PTCH1: variants seen among roughly 807,000 people sequenced by gnomAD.
PTCH1 encodes protein patched homolog 1.
Under a neutral mutation model 144.6 loss-of-function variants are expected in PTCH1, and 14 were observed. The observed-to-expected ratio is 0.10, with a 90% CI of 0.06 to 0.15. The LOEUF is 0.15. Ranked by LOEUF, PTCH1 falls within the 10% of genes least tolerant of loss-of-function variation. The pLI is 1.00. For synonymous variants in PTCH1, 833 were observed against 793.6 expected, an observed-to-expected ratio of 1.05 and a Z score of -0.83; for missense variants, 1,623 against 1,948.3, an observed-to-expected ratio of 0.83 and a Z score of 3.14.
intron 12 of PTCH1, among the ~76,000 whole-genome samples, chr9:95,473,640 G>C (rs1236700783): frequency 6.6e-6 from 1 of 151,478 alleles, no homozygotes; most frequent in Non-Finnish European, 1.5e-5. Flanking sequence ...CGCCTCCCGG[G>C]TTCAAGCGAT....
chr9:95,466,991 TA>T, intron 15 of PTCH1, 124 bp downstream of exon 15: 1 of 1,111,744 alleles, frequency 9.0e-7, no homozygotes, highest in East Asian at 2.6e-5. Context: ...GAGCAACTCT[TA>T]AAAGTCCATG....
At chr9:95,516,785 C>CA in exon 1 of PTCH1, 7 of 1,612,406 alleles carry the variant, frequency 4.3e-6, no homozygotes, top group Non-Finnish European at 5.9e-6. Flanking sequence ...AGCGCGGACT[C>CA]ACAATTACAA....
At chr9:95,472,794 G>A (rs1034567772) in intron 12 of PTCH1, among the ~76,000 whole-genome samples, 1 of 152,174 alleles carries the variant, frequency 6.6e-6, no homozygotes. Flanking sequence ...ATGTATGGCG[G>A]AGTATTTTCT....
chr9:95,474,215 T>A, intron 12 of PTCH1: 1 of 329,536 alleles, frequency 3.0e-6, no homozygotes, highest in South Asian at 2.6e-5. Context: ...AGAAAGACAG[T>A]GAGCAAAAAG....
rs28702657 is a variant in PTCH1, at chr9:95,469,626, G to A, written c.1847+187C>T. 0.23 allele frequency among the ~76,000 whole-genome samples: 35,703 copies of A among 152,016 alleles called. 4,436 individuals are homozygous for A. Among genetic ancestry groups the A allele is most frequent in the African/African-American group, 0.27 (11,107 of 41,472 alleles). ...GTGAGACTGTTCAGCTGCGGCAGGG[G>A]AGAAGGAAGCCCAGGGACTCTGATG... On this transcript the variant is annotated intron_variant, in intron 13 of 23. Coordinates refer to ENST00000331920, the MANE Select transcript of PTCH1 (RefSeq NM_000264.5).
chr9:95,495,626 C>A (rs922542985), intron 2 of PTCH1, among the ~76,000 whole-genome samples: 1 of 151,990 alleles, frequency 6.6e-6, no homozygotes, highest in African/African-American at 2.4e-5. Context: ...TTGTTCAAGG[C>A]TAACACCTCC....
At chr9:95,480,905 A>C (rs28520225) in intron 5 of PTCH1, among the ~76,000 whole-genome samples, 18,171 of 130,828 alleles carry the variant, frequency 0.14, 1,191 homozygotes, top group East Asian at 0.19. Flanking sequence ...ATCCAAAATT[A>C]AATTTTTTTT....
intron 9 of PTCH1, 110 bp from the exon 10 acceptor site, chr9:95,477,812 A>G: frequency 6.6e-7 from 1 of 1,506,100 alleles, no homozygotes; most frequent in Non-Finnish European, 9.0e-7. Context: ...GAACTTATCC[A>G]ACAACAACAA....
intron 2 of PTCH1, among the ~76,000 whole-genome samples, chr9:95,499,865 A>G (rs1843029680): frequency 6.6e-6 from 1 of 152,052 alleles, no homozygotes; most frequent in African/African-American, 2.4e-5. Flanking sequence ...ATGGTGAGGC[A>G]GAAGGCGGCC....
chr9:95,499,667 T>C (rs982739397), intron 2 of PTCH1, among the ~76,000 whole-genome samples: 30 of 152,176 alleles, frequency 2.0e-4, no homozygotes, highest in African/African-American at 5.5e-4. Context: ...CTAAATAGTG[T>C]CAAAAGAGTG....
rs752605765 is a variant in PTCH1, at chr9:95,469,942, A to G, written c.1729-11T>C. 3.1e-6 allele frequency: 5 copies of G among 1,598,294 alleles called. No homozygotes were observed. The highest frequency in any genetic ancestry group is 2.2e-5 in the East Asian group (1 of 44,826). The stretch of plus-strand genomic sequence containing the variant: ...CACTACTACCGCTGCCTGGGAGCAG[A>G]AAAAAAATTCAGAGGTCACCAACAT... On this transcript the variant is annotated splice_polypyrimidine_tract_variant and intron_variant, in intron 12 of 23. Transcript: ENST00000331920.
At chr9:95,455,050 T>A (rs1838796320) in intron 19 of PTCH1, among the ~76,000 whole-genome samples, 1 of 152,266 alleles carries the variant, frequency 6.6e-6, no homozygotes, top group Non-Finnish European at 1.5e-5. Flanking sequence ...ATGGGTTTTC[T>A]AAACTCTAGG....
intron 1 of PTCH1, chr9:95,506,948 G>C: frequency 9.7e-7 from 1 of 1,028,220 alleles, no homozygotes; most frequent in Non-Finnish European, 1.2e-6. Flanking sequence ...CCAGAGCTGA[G>C]AAGGGAGGGG....
intron 2 of PTCH1, among the ~76,000 whole-genome samples, chr9:95,505,021 A>G (rs1291357837): frequency 1.3e-5 from 2 of 152,230 alleles, no homozygotes; most frequent in Non-Finnish European, 2.9e-5. Context: ...CATGGATTCA[A>G]TCCAAAGAAC....
intron 1 of PTCH1, chr9:95,507,343 A>C: frequency 2.0e-6 from 2 of 985,514 alleles, no homozygotes; most frequent in Non-Finnish European, 2.4e-6. Flanking sequence ...AGGCCGGCGC[A>C]GGCTGCTCCC....
chr9:95,462,317 G>A (rs1293549447), intron 15 of PTCH1, among the ~76,000 whole-genome samples: 1 of 152,176 alleles, frequency 6.6e-6, no homozygotes, highest in Non-Finnish European at 1.5e-5. Context: ...AGAGTGCGAC[G>A]GAAAGACACG....
Position 95,477,754 on chromosome 9 carries a change from TTG to T in PTCH1, c.1348-54_1348-53del, listed in dbSNP as rs766545607. On this transcript the variant is annotated intron_variant, in intron 9 of 23. Coordinates refer to ENST00000331920, the MANE Select transcript of PTCH1 (RefSeq NM_000264.5). ...AACAAAAGCCGAACATTAGAATGTG[TTG>T]TGATTCTAATGTTTCCCTCCACCCA... is the stretch of plus-strand genomic sequence containing the variant. 175 of 1,602,726 alleles carry T rather than the reference TTG, an allele frequency of 1.1e-4. 1 individual carries two copies. The highest frequency in any genetic ancestry group is 1.4e-4 in the Non-Finnish European group (168 of 1,173,274).
chr9:95,478,302 A>G, intron 8 of PTCH1, 116 bp from the exon 9 acceptor site: 1 of 1,492,782 alleles, frequency 6.7e-7, no homozygotes, highest in Non-Finnish European at 9.3e-7. Flanking sequence ...TGCATTTTTT[A>G]AAAAAGTTCT....
intron 2 of PTCH1, among the ~76,000 whole-genome samples, chr9:95,489,879 C>A (rs1042835632): frequency 1.3e-5 from 2 of 151,108 alleles, no homozygotes; most frequent in East Asian, 4.0e-4. Flanking sequence ...CAGCTCACTG[C>A]AAGCTCTGCC....
Sources: gnomAD v4.1 joint callset for allele counts (sites outside exome capture counted in the v4.1 genomes callset) on GRCh38, gnomAD v4.1.1 for gene constraint, MANE v1.5 for transcripts, NCBI Gene and HGNC (gene_info 2026-07-23, HGNC 2026-07-21) for gene names.